The following CTPS2 variants were observed in gnomAD, a reference collection of about 807,000 sequenced individuals.
CTPS2 encodes the protein CTP synthase II.
CTPS2 carries 19 observed loss-of-function variants against 46.8 expected under a neutral mutation model. The ratio of observed to expected loss-of-function variants is 0.41; its 90% CI spans 0.28 to 0.60. The LOEUF (loss-of-function observed/expected upper bound fraction) is 0.60. CTPS2 is among the 20% of genes least tolerant of loss of function. The pLI, the probability that CTPS2 is intolerant of heterozygous loss-of-function variation, is 0.35. For synonymous variants in CTPS2, 151 were observed against 165.2 expected (o/e 0.91, Z 0.66); for missense variants, 286 against 447.6 (o/e 0.64, Z 3.26).
At chrX:16,684,522 A>C (rs1026758646) in intron 8 of CTPS2, among the ~76,000 whole-genome samples, 6 of 108,358 alleles carry the variant, frequency 5.5e-5, no homozygotes, top group South Asian at 8.0e-4. Context: ...AAAAAAAAAA[A>C]AAAAAACAAA....
intron 17 of CTPS2, among the ~76,000 whole-genome samples, chrX:16,594,763 C>A (rs1031110746): frequency 8.9e-6 from 1 of 112,387 alleles, no homozygotes; most frequent in African/African-American, 3.2e-5. Flanking sequence ...TTATTCATCT[C>A]CAAGCTTAAT....
At chrX:16,657,582 G>C (rs1321689905) in intron 13 of CTPS2, among the ~76,000 whole-genome samples, 7 of 111,482 alleles carry the variant, frequency 6.3e-5, no homozygotes, top group Non-Finnish European at 1.1e-4. Context: ...TGGGCAGATG[G>C]GGGGGCAGGA....
At chrX:16,663,899 A>ACG (rs1933057127) in intron 13 of CTPS2, among the ~76,000 whole-genome samples, 1 of 110,512 alleles carries the variant, frequency 9.0e-6, no homozygotes, top group Non-Finnish European at 1.9e-5. Flanking sequence ...ACAGTGGTGC[A>ACG]ATCTCGGCTC....
intron 13 of CTPS2, chrX:16,651,255 T>G (rs1198589195): frequency 1.4e-6 from 1 of 704,111 alleles, no homozygotes; most frequent in East Asian, 3.3e-5. Context: ...GGAGGACACA[T>G]GCAGGTGGGG....
intron 1 of CTPS2, chrX:16,711,986 C>G (rs1338955437): frequency 9.0e-6 from 1 of 110,960 alleles, no homozygotes; most frequent in African/African-American, 3.3e-5. Context: ...TCTCCTGGCT[C>G]CCGAGGGCCG....
At chrX:16,631,393 G>A (rs907130144) in intron 14 of CTPS2, among the ~76,000 whole-genome samples, 3 of 110,447 alleles carry the variant, frequency 2.7e-5, no homozygotes, top group Non-Finnish European at 5.7e-5. Flanking sequence ...GTGGCATGTG[G>A]CTGTAGTCCC....
At chrX:16,665,634 G>T (rs909047796) in intron 13 of CTPS2, among the ~76,000 whole-genome samples, 9 of 112,059 alleles carry the variant, frequency 8.0e-5, no homozygotes, top group Non-Finnish European at 1.5e-4. Flanking sequence ...AGGCTTGGGG[G>T]TGTCAGCTAA....
At chrX:16,672,856 G>A (rs1345998326) in intron 10 of CTPS2, among the ~76,000 whole-genome samples, 2 of 106,438 alleles carry the variant, frequency 1.9e-5, no homozygotes, top group African/African-American at 7.0e-5. Context: ...TTTGATTAAT[G>A]GTAAAAAGGA....
chrX:16,614,903 G>A (rs1193505510), intron 16 of CTPS2, among the ~76,000 whole-genome samples: 3 of 110,935 alleles, frequency 2.7e-5, no homozygotes, highest in Admixed American at 9.6e-5. Context: ...TTGGCTGCGC[G>A]TCGTGGCTCA....
At chrX:16,652,090 A>T (rs1330146171) in intron 13 of CTPS2, among the ~76,000 whole-genome samples, 1 of 111,663 alleles carries the variant, frequency 9.0e-6, no homozygotes, top group Non-Finnish European at 1.9e-5. Context: ...AATTGCCTTG[A>T]TAGGATTCTA....
At chrX:16,683,577 C>T (rs1269866610) in intron 8 of CTPS2, among the ~76,000 whole-genome samples, 1 of 111,828 alleles carries the variant, frequency 8.9e-6, no homozygotes, top group African/African-American at 3.2e-5. Context: ...CCAGCCTGGG[C>T]GACACAGTGA....
chrX:16,626,249 G>A (rs767171345), intron 14 of CTPS2, among the ~76,000 whole-genome samples: 7 of 111,237 alleles, frequency 6.3e-5, no homozygotes, highest in African/African-American at 2.0e-4. Context: ...GGGCGTGGTG[G>A]TGGACACCTG....
intron 14 of CTPS2, among the ~76,000 whole-genome samples, chrX:16,627,782 C>T (rs768769229): frequency 2.7e-5 from 3 of 111,552 alleles, no homozygotes; most frequent in South Asian, 7.7e-4. Context: ...GTAGGGTCTT[C>T]GCTTTCTGCA....
intron 14 of CTPS2, among the ~76,000 whole-genome samples, chrX:16,631,610 A>C (rs1931476259): frequency 8.9e-6 from 1 of 112,333 alleles, no homozygotes; most frequent in African/African-American, 3.2e-5. Flanking sequence ...ATGTGAACTG[A>C]AATGGTCTGA....
intron 8 of CTPS2, among the ~76,000 whole-genome samples, chrX:16,685,286 A>G (rs1284056178): frequency 9.0e-6 from 1 of 111,607 alleles, no homozygotes; most frequent in African/African-American, 3.3e-5. Flanking sequence ...GGTCAGTATC[A>G]CAGGTTACTC....
At chrX:16,599,785 T>C (rs1442020627) in intron 17 of CTPS2, among the ~76,000 whole-genome samples, 7 of 97,895 alleles carry the variant, frequency 7.2e-5, no homozygotes, top group Non-Finnish European at 1.4e-4. Context: ...ACCCCCCCCC[T>C]TTTTTTTTCT....
chrX:16,698,781 C>T, intron 3 of CTPS2, 142 bp downstream of exon 3: 1 of 492,230 alleles, frequency 2.0e-6, no homozygotes, highest in South Asian at 3.8e-5. Context: ...GAACTCCTGA[C>T]CTCAGGTGAT....
intron 14 of CTPS2, among the ~76,000 whole-genome samples, chrX:16,624,321 T>C (rs1022312878): frequency 8.0e-5 from 9 of 112,077 alleles, no homozygotes; most frequent in African/African-American, 2.9e-4. Context: ...AAAATTAAAA[T>C]TTCCTTAAAA....
intron 8 of CTPS2, among the ~76,000 whole-genome samples, chrX:16,688,456 A>G (rs1465822725): frequency 9.5e-6 from 1 of 105,319 alleles, no homozygotes. Flanking sequence ...TTTTTTTAAG[A>G]TACAGGGTCT....
Sources: allele counts gnomAD v4.1 joint callset (sites outside exome capture counted in the v4.1 genomes callset), GRCh38; gene constraint gnomAD v4.1.1; transcripts MANE v1.5; gene names NCBI Gene and HGNC (gene_info 2026-07-23, HGNC 2026-07-21).